The following AOPEP variants were observed in gnomAD, a reference collection of about 807,000 sequenced individuals.
AOPEP encodes aminopeptidase O.
In AOPEP, 77 loss-of-function variants were observed where a neutral mutation model predicts 98.1. The ratio of observed to expected loss-of-function variants is 0.78; its 90% CI spans 0.65 to 0.95. The LOEUF (loss-of-function observed/expected upper bound fraction) is 0.95. Ranked by LOEUF, AOPEP falls within the 40% of genes least tolerant of loss-of-function variation. The pLI is 0.00. For synonymous variants in AOPEP, 346 were observed against 365.3 expected (o/e 0.95, Z 0.60); for missense variants, 1,024 against 1,024.7 (o/e 1.00, Z 0.01).
chr9:95,061,007 G>T, intron 14 of AOPEP, 197 bp downstream of exon 14: 1 of 486,354 alleles, frequency 2.1e-6, no homozygotes, highest in Non-Finnish European at 3.7e-6. Context: ...GAGGTCTTAA[G>T]TTTTTCCCTC....
At chr9:94,938,374 ACT>A (rs1448429187) in intron 7 of AOPEP, among the ~76,000 whole-genome samples, 1 of 152,198 alleles carries the variant, frequency 6.6e-6, no homozygotes, top group Admixed American at 6.5e-5. Flanking sequence ...GAGCTGAAAT[ACT>A]GGTCCCAAGA....
intron 5 of AOPEP, among the ~76,000 whole-genome samples, chr9:94,816,121 C>T (rs1851649863): frequency 6.6e-6 from 1 of 152,092 alleles, no homozygotes; most frequent in Non-Finnish European, 1.5e-5. Flanking sequence ...AGTTCACAGC[C>T]TTAGTGTACA....
intron 11 of AOPEP, among the ~76,000 whole-genome samples, chr9:94,988,379 GCA>G (rs2060654642): frequency 6.6e-6 from 1 of 152,102 alleles, no homozygotes; most frequent in African/African-American, 2.4e-5. Flanking sequence ...TTTTCAGTGA[GCA>G]CAGAGGAAGG....
chr9:94,942,904 CAAAAAAAAAA>C (rs35186299), intron 7 of AOPEP, among the ~76,000 whole-genome samples: 1 of 82,800 alleles, frequency 1.2e-5, no homozygotes, highest in South Asian at 4.4e-4. Context: ...GAGTCTGTCT[CAAAAAAAAAA>C]AAAAAAAAAA....
intron 5 of AOPEP, among the ~76,000 whole-genome samples, chr9:94,865,841 C>T (rs2045641488): frequency 6.6e-6 from 1 of 152,188 alleles, no homozygotes; most frequent in African/African-American, 2.4e-5. Flanking sequence ...TACTGCTAGA[C>T]AGGAATGCCA....
At chr9:94,917,750 C>A (rs932818754) in intron 5 of AOPEP, among the ~76,000 whole-genome samples, 1 of 152,162 alleles carries the variant, frequency 6.6e-6, no homozygotes, top group Non-Finnish European at 1.5e-5. Context: ...TGCATCCTTC[C>A]CTTTGTTGTC....
In AOPEP at chr9:95,081,042, C is replaced by T. The variant is rs72752312; in HGVS notation, c.2319+262C>T. 4.5e-3 allele frequency: 2,265 copies of T among 499,234 alleles called. 7 individuals carry two copies. The highest frequency in any genetic ancestry group is 7.2e-3 in the Non-Finnish European group (1,990 of 277,318). 30.9% of individuals were successfully genotyped at this position (499,234 alleles called of 1,614,324 possible). A position where few individuals can be genotyped will look rare whatever the true frequency, so the allele number is the denominator to read the frequency against. The stretch of plus-strand genomic sequence containing the variant: ...TCCGATGCTGCGTGCTCACACTTCA[C>T]GGCATCTCCAGCACCTGCTAGGCCA... On this transcript the variant is annotated intron_variant, in intron 15 of 16. Coordinates refer to ENST00000375315, the MANE Select transcript of AOPEP (RefSeq NM_001193329.3).
At chr9:94,842,997 CT>C (rs971489745) in intron 5 of AOPEP, among the ~76,000 whole-genome samples, 2 of 152,098 alleles carry the variant, frequency 1.3e-5, no homozygotes, top group African/African-American at 4.8e-5. Context: ...ATTGTTTAAG[CT>C]TTGCTCATCT....
intron 10 of AOPEP, among the ~76,000 whole-genome samples, chr9:94,975,107 T>G (rs1451396365): frequency 6.6e-6 from 1 of 152,158 alleles, no homozygotes; most frequent in Non-Finnish European, 1.5e-5. Context: ...GGCACATGCC[T>G]GTAGTCCCGG....
At chr9:94,938,199 A>ATGAAGCGAG (rs2056565798) in intron 7 of AOPEP, among the ~76,000 whole-genome samples, 1 of 152,170 alleles carries the variant, frequency 6.6e-6, no homozygotes, top group African/African-American at 2.4e-5. Context: ...GGTCCAACCA[A>ATGAAGCGAG]ATACATATCT....
intron 5 of AOPEP, among the ~76,000 whole-genome samples, chr9:94,884,740 G>A (rs1309665483): frequency 6.6e-6 from 1 of 152,008 alleles, no homozygotes; most frequent in East Asian, 1.9e-4. Flanking sequence ...GGCCGGGCGC[G>A]GTGGCTCACG....
chr9:94,859,572 G>A (rs1043997870), intron 5 of AOPEP, among the ~76,000 whole-genome samples: 2 of 152,166 alleles, frequency 1.3e-5, no homozygotes, highest in African/African-American at 4.8e-5. Context: ...CCAGGAATTA[G>A]GATATGAATA....
At chr9:95,030,539 G>C (rs2064205076) in intron 13 of AOPEP, among the ~76,000 whole-genome samples, 1 of 152,338 alleles carries the variant, frequency 6.6e-6, no homozygotes, top group Middle Eastern at 3.4e-3. Flanking sequence ...TGTAAGTGCA[G>C]AGCAGCGTCT....
chr9:95,099,654 G>A, the AOPEP span: 1 of 231,692 alleles, frequency 4.3e-6, no homozygotes, highest in South Asian at 1.8e-4. Flanking sequence ...CATGAAGCCA[G>A]CAGGCACTTC....
the AOPEP span, chr9:95,150,154 C>A: frequency 6.4e-7 from 1 of 1,566,328 alleles, no homozygotes; most frequent in African/African-American, 1.4e-5. Context: ...CATATAAAAA[C>A]CTTCATGCTA....
chr9:94,999,987 T>G (rs538492984), intron 11 of AOPEP, among the ~76,000 whole-genome samples: 78 of 152,254 alleles, frequency 5.1e-4, no homozygotes, highest in African/African-American at 1.6e-3. Context: ...AGAAAGAAGG[T>G]CTGTTAGCTG....
At chr9:95,101,693 G>A in the AOPEP span, 27 of 1,613,396 alleles carry the variant, frequency 1.7e-5, no homozygotes, top group African/African-American at 8.0e-5. Context: ...GCACCCACAC[G>A]GCCTGCGTGC....
At chr9:95,035,118 CT>C (rs1433047885) in intron 13 of AOPEP, among the ~76,000 whole-genome samples, 3 of 152,034 alleles carry the variant, frequency 2.0e-5, no homozygotes, top group East Asian at 1.9e-4. Flanking sequence ...ATCCCTCCCC[CT>C]GTCCCCCACC....
intron 13 of AOPEP, among the ~76,000 whole-genome samples, chr9:95,057,270 A>G (rs34410216): frequency 2.0e-5 from 3 of 152,240 alleles, no homozygotes; most frequent in Admixed American, 6.5e-5. Context: ...TTCAGTCTTA[A>G]ATTCAGCTGA....
Sources: allele counts gnomAD v4.1 joint callset (sites outside exome capture counted in the v4.1 genomes callset), GRCh38; gene constraint gnomAD v4.1.1; transcripts MANE v1.5; gene names NCBI Gene and HGNC (gene_info 2026-07-23, HGNC 2026-07-21).